The following UBA5 variants were observed in gnomAD, a reference collection of about 807,000 sequenced individuals.
UBA5 encodes ubiquitin-like modifier-activating enzyme 5.
A neutral mutation model predicts 52.9 loss-of-function variants in UBA5; 28 were observed. The observed-to-expected ratio is 0.53, with a 90% CI of 0.39 to 0.73. The LOEUF (loss-of-function observed/expected upper bound fraction) is 0.73, where lower values mean the gene tolerates loss of function less well. Among genes scored for constraint, UBA5 ranks in the 30% least tolerant of loss-of-function variants. The pLI, the probability that UBA5 is intolerant of heterozygous loss-of-function variation, is 0.00. For missense variants in UBA5, 388 were observed against 492.7 expected (o/e 0.79, Z 2.01); for synonymous variants, 135 against 162.1 (o/e 0.83, Z 1.27).
intron 3 of UBA5, chr3:132,667,902 ACT>A (rs2107935215): frequency 6.6e-6 from 1 of 152,150 alleles, no homozygotes; most frequent in Admixed American, 6.5e-5. Flanking sequence ...TGTTTTGGAG[ACT>A]CTTACGTAGG....
chr3:132,675,670 T>C lies in UBA5; in HGVS notation c.1014T>C (p.Asp338=). The C allele has an allele frequency of 6.2e-7, 1 of 1,610,218 alleles. No homozygotes were observed. Among genetic ancestry groups the C allele is most frequent in the Non-Finnish European group, 8.5e-7 (1 of 1,177,128 alleles). The part of the protein sequence containing the change: ...IQEEEEIIHE[D]NEWGIELVSE... The stretch of plus-strand genomic sequence containing the variant: ...AAGAGGAAGAGATAATCCATGAAGA[T>C]AATGAATGGGGTAGGTATTCTTTTA... The change falls in exon 10 of 12, where the codon GAT becomes GAC. Residue 338 remains aspartate (D), a synonymous_variant. Coordinates refer to ENST00000356232, the MANE Select transcript of UBA5 (RefSeq NM_024818.6).
In UBA5 at chr3:132,670,195, T is replaced by C; in HGVS notation, c.408-3T>C. ...TTATAATCATTCCCTTTTTCCTTCT[T>C]AGGAACATTAATCCTGATGTTCTTT... On this transcript the variant is annotated splice_region_variant and splice_polypyrimidine_tract_variant and intron_variant, in intron 4 of 11. Coordinates refer to ENST00000356232, the MANE Select transcript of UBA5 (RefSeq NM_024818.6). The C allele has an allele frequency of 7.1e-7, 1 of 1,403,502 alleles. No homozygotes were observed. The highest frequency in any genetic ancestry group is 1.0e-6 in the Non-Finnish European group (1 of 998,540). 86.9% of individuals were successfully genotyped at this position (1,403,502 alleles called of 1,614,324 possible).
chr3:132,654,917 C>CA (rs1440179158), intron 1 of UBA5, among the ~76,000 whole-genome samples: 1 of 152,206 alleles, frequency 6.6e-6, no homozygotes, highest in African/African-American at 2.4e-5. Context: ...CGATAGGACA[C>CA]ACCTGAGCTC....
intron 5 of UBA5, 53 bp downstream of exon 5, chr3:132,670,337 A>G: frequency 1.3e-6 from 1 of 752,970 alleles, no homozygotes; most frequent in South Asian, 1.9e-5. Flanking sequence ...AAGTATTAGA[A>G]AATTATTAGA....
In UBA5 at chr3:132,675,935, A is replaced by G. The variant is rs375364742; in HGVS notation, c.1131+12A>G. The G allele has an allele frequency of 6.6e-7, 1 of 1,519,388 alleles. No individual in the cohort carries two copies. The highest frequency in any genetic ancestry group is 1.2e-5 in the South Asian group (1 of 84,528). 94.1% of individuals were successfully genotyped at this position (1,519,388 alleles called of 1,614,324 possible). ...CAATTCCAAAAAAGGTACTTCAAAAATATGATTTACCCATATGTAAATATC... is the reference window on the plus strand; with the variant it reads ...CAATTCCAAAAAAGGTACTTCAAAAGTATGATTTACCCATATGTAAATATC... On this transcript the variant is annotated intron_variant, in intron 11 of 11. Transcript: ENST00000356232.
chr3:132,669,571 T>C (rs1311815283), intron 4 of UBA5, among the ~76,000 whole-genome samples: 1 of 152,190 alleles, frequency 6.6e-6, no homozygotes, highest in African/African-American at 2.4e-5. Flanking sequence ...TCCTGGCTGA[T>C]AAAATTTTTA....
At position 132,672,185 on chromosome 3, in the gene UBA5, A is replaced by G; in HGVS notation, c.812+8A>G. On this transcript the variant is annotated splice_region_variant and intron_variant, in intron 8 of 11. Coordinates refer to ENST00000356232, the MANE Select transcript of UBA5 (RefSeq NM_024818.6). ...AGTACAAAACGTGTTAAAGTAAGTCAGGGCTAATTTTTCTGAATAGTCTTG... is the reference window on the plus strand; with the variant it reads ...AGTACAAAACGTGTTAAAGTAAGTCGGGGCTAATTTTTCTGAATAGTCTTG... 1.2e-6 allele frequency: 2 copies of G among 1,612,190 alleles called. No individual in the cohort carries two copies. The highest frequency in any genetic ancestry group is 1.7e-6 in the Non-Finnish European group (2 of 1,179,380).
At chr3:132,664,785 C>A (rs1261574050) in intron 1 of UBA5, among the ~76,000 whole-genome samples, 1 of 152,006 alleles carries the variant, frequency 6.6e-6, no homozygotes, top group Non-Finnish European at 1.5e-5. Context: ...AGGAAGGGAG[C>A]TGTATGTGCA....
At chr3:132,659,459 G>A, upstream of UBA5, 1 of 1,171,708 alleles carries the variant, frequency 8.5e-7, no homozygotes, top group East Asian at 2.8e-5. Context: ...GCCGGCAATA[G>A]CAGCTCATGC....
intron 1 of UBA5, among the ~76,000 whole-genome samples, chr3:132,664,569 T>C (rs1431187959): frequency 6.6e-6 from 1 of 152,164 alleles, no homozygotes; most frequent in African/African-American, 2.4e-5. Flanking sequence ...AAGCAAATTG[T>C]TGGACTCCAC....
chr3:132,674,223 CT>C (rs1405208836), intron 8 of UBA5, among the ~76,000 whole-genome samples: 1 of 152,012 alleles, frequency 6.6e-6, no homozygotes, highest in African/African-American at 2.4e-5. Context: ...AGTTGTTGCT[CT>C]TTTTTGTCTT....
chr3:132,655,413 C>G (rs941872563), upstream of UBA5, among the ~76,000 whole-genome samples: 1 of 152,190 alleles, frequency 6.6e-6, no homozygotes, highest in African/African-American at 2.4e-5. Context: ...GCCAAAGTCT[C>G]TTTATTGCCT....
upstream of UBA5, chr3:132,659,702 T>G (rs727503787): frequency 4.1e-5 from 66 of 1,611,330 alleles, no homozygotes; most frequent in Non-Finnish European, 5.6e-5. Flanking sequence ...GAACTTGTGC[T>G]GGGGCAGCAC....
chr3:132,664,036 C>G (rs947078771), intron 1 of UBA5, among the ~76,000 whole-genome samples: 9 of 152,068 alleles, frequency 5.9e-5, no homozygotes, highest in African/African-American at 2.2e-4. Context: ...AGATAAAGGA[C>G]AAATCCAGAT....
At position 132,676,423 on chromosome 3, in the gene UBA5, T is replaced by C. The variant is rs929607660; in HGVS notation, c.1132-20T>C. The C allele has an allele frequency of 6.9e-6, 11 of 1,589,538 alleles. No individual in the cohort carries two copies. The highest frequency in any genetic ancestry group is 9.4e-6 in the Non-Finnish European group (11 of 1,164,158). On this transcript the variant is annotated intron_variant, in intron 11 of 11. Transcript: ENST00000356232. The surrounding 1 kb of genome is among the most constrained non-coding windows in gnomAD (Gnocchi z 4.1). The stretch of plus-strand genomic sequence containing the variant: ...TCTATATGGTTCTTTTTTCACTGTA[T>C]TTCCCTTATTTGTCAATAGCAAGAA...
upstream of UBA5, among the ~76,000 whole-genome samples, chr3:132,657,641 T>C (rs1937878646): frequency 6.6e-6 from 1 of 152,222 alleles, no homozygotes; most frequent in Non-Finnish European, 1.5e-5. Context: ...GCACATCTTT[T>C]ACTTAGGTAA....
chr3:132,675,150 A>T, intron 8 of UBA5, 98 bp from the exon 9 acceptor site: 1 of 859,744 alleles, frequency 1.2e-6, no homozygotes, highest in Non-Finnish European at 1.7e-6. Flanking sequence ...AAAAAAATAT[A>T]TAATTACCTA....
upstream of UBA5, among the ~76,000 whole-genome samples, chr3:132,657,897 C>CT (rs1937897802): frequency 7.7e-6 from 1 of 129,922 alleles, no homozygotes; most frequent in South Asian, 2.5e-4. Context: ...GAGTCTCACT[C>CT]TGTCACCTAG....
chr3:132,658,304 A>T (rs1207327755), upstream of UBA5, among the ~76,000 whole-genome samples: 2 of 152,180 alleles, frequency 1.3e-5, no homozygotes, highest in African/African-American at 4.8e-5. Context: ...CCAGAGTTCC[A>T]TATATATTTA....
Sources: allele counts gnomAD v4.1 joint callset (sites outside exome capture counted in the v4.1 genomes callset), GRCh38; gene constraint gnomAD v4.1.1; non-coding constraint Gnocchi (gnomAD v3.1); transcripts MANE v1.5; gene names NCBI Gene and HGNC (gene_info 2026-07-23, HGNC 2026-07-21).